The following KAT2A variants were observed in gnomAD, a reference collection of about 807,000 sequenced individuals.
The protein encoded by KAT2A is histone acetyltransferase KAT2A.
In KAT2A, 42 loss-of-function variants were observed where a neutral mutation model predicts 95.2. That is an observed-to-expected ratio of 0.44 (90% CI 0.34 to 0.57). The LOEUF (loss-of-function observed/expected upper bound fraction) is 0.57, where lower values mean the gene tolerates loss of function less well. Among genes scored for constraint, KAT2A ranks in the 20% least tolerant of loss-of-function variants. KAT2A has a pLI of 0.01. For missense variants in KAT2A, 784 were observed against 1,126.3 expected (o/e 0.70, Z 4.35); for synonymous variants, 449 against 448.2 (o/e 1.00, Z -0.02).
chr17:42,118,513 C>A (rs1177175182), intron 6 of KAT2A, 110 bp from the exon 7 acceptor site: 1 of 742,076 alleles, frequency 1.3e-6, no homozygotes, highest in Non-Finnish European at 2.4e-6. Flanking sequence ...TCTTAGGGAA[C>A]TGGGGACCTG....
rs940547142 is a variant in KAT2A at position 42,121,182 on chromosome 17, A to T, written c.123T>A (p.Thr41=). ...APSPASAPIP[T]PTPAPAPAPA... ...GGGCAGGGGCTGGTGCCGGGGTGGG[A>T]GTCGGAATCGGGGCTGAAGCCGGGC... Residue 41 remains threonine, a synonymous_variant, in exon 1 of 18, where the codon ACT becomes ACA. Coordinates refer to ENST00000225916, the MANE Select transcript of KAT2A (RefSeq NM_021078.3). 152 of 1,385,362 alleles carry T rather than the reference A, an allele frequency of 1.1e-4. No individual in the cohort carries two copies. Among genetic ancestry groups the T allele is most frequent in the Non-Finnish European group, 1.4e-4 (146 of 1,043,680 alleles). The allele number at this position is 1,385,362 out of a possible 1,614,324, so 85.8% of individuals were successfully genotyped here.
At chr17:42,118,075 A>C in intron 7 of KAT2A, 58 bp from the exon 8 acceptor site, 1 of 990,446 alleles carries the variant, frequency 1.0e-6, no homozygotes, top group Non-Finnish European at 1.4e-6. Flanking sequence ...AGAGAGAGAG[A>C]AGTCAGGGAC....
Position 42,115,008 on chromosome 17 carries a change from T to C in KAT2A, c.1903A>G (p.Lys635Glu). Residue 635 changes from lysine to glutamate, a missense_variant, in exon 13 of 18, where the codon AAG becomes GAG. Transcript: ENST00000225916. ...QGFSKDIKVP[K>E]SRYLGYIKDY... ...TTGATGTAGCCCAGGTAGCGGCTCTTGGGCACCTTGATGTCCTTGGAGAAA... is the reference window on the plus strand; with the variant it reads ...TTGATGTAGCCCAGGTAGCGGCTCTCGGGCACCTTGATGTCCTTGGAGAAA... 1.2e-6 allele frequency: 2 copies of C among 1,613,986 alleles called. No individual in the cohort carries two copies. Among genetic ancestry groups the C allele is most frequent in the Non-Finnish European group, 1.7e-6 (2 of 1,179,946 alleles).
intron 12 of KAT2A, 98 bp downstream of exon 12, chr17:42,115,625 G>C (rs1598229256): frequency 1.3e-6 from 1 of 778,762 alleles, no homozygotes; most frequent in East Asian, 2.5e-5. Context: ...GGTGAAGTAG[G>C]GGACGCAAAG....
Position 42,114,575 on chromosome 17 carries a change from C to G in KAT2A, c.2049G>C (p.Gln683His). The G allele has an allele frequency of 6.2e-7, 1 of 1,614,014 alleles. No homozygotes were observed. Among genetic ancestry groups the G allele is most frequent in the Non-Finnish European group, 8.5e-7 (1 of 1,179,982 alleles). The change falls in exon 14 of 18, where the codon CAG (glutamine) becomes CAC (histidine). Residue 683 changes from glutamine (Q) to histidine (H), a missense_variant. Coordinates refer to ENST00000225916, the MANE Select transcript of KAT2A (RefSeq NM_021078.3). This position sits in a 1 kb window ranked among gnomAD's most constrained non-coding sequence, Gnocchi z 6.0. Reference protein sequence around the residue: ...EIIKKLIERKQAQIRKVYPGL... With the variant: ...EIIKKLIERKHAQIRKVYPGL... ...CCGGGTAGACCTTGCGGATCTGGGC[C>G]TGTTTGCGCTCAATCAGCTTCTTGA...
Position 42,113,557 on chromosome 17 carries a change from G to A in KAT2A, c.*92C>T, listed in dbSNP as rs2054201406. The A allele has an allele frequency of 7.9e-7, 1 of 1,265,724 alleles. No homozygotes were observed. The highest frequency in any genetic ancestry group is 1.5e-5 in the African/African-American group (1 of 65,750). 78.4% of individuals were successfully genotyped at this position (1,265,724 alleles called of 1,614,324 possible). On this transcript the variant is annotated 3_prime_UTR_variant, in exon 18 of 18. Transcript: ENST00000225916. ...CCTTGGCTGGAGTGTCTCAAGCTGAGTCGGGTCCGTGGGGCCAGGGCACCC... is the reference window on the plus strand; with the variant it reads ...CCTTGGCTGGAGTGTCTCAAGCTGAATCGGGTCCGTGGGGCCAGGGCACCC...
rs782807550 is a variant in KAT2A, at chr17:42,113,795, G to A, written c.2368C>T (p.Arg790Trp). Reference protein sequence around the residue: ...ERLRSRYYVTRKLFVADLQRV... With the variant: ...ERLRSRYYVTWKLFVADLQRV... ...TGCAGGTCGGCCACAAAGAGCTTCC[G>A]GGTCACGTAGTAGCGGCTTCGCAGC... Residue 790 changes from arginine (R) to tryptophan (W), a missense_variant, in exon 18 of 18, where the codon CGG (arginine) becomes TGG (tryptophan). This residue lies in a region of KAT2A where 195 missense variants were observed against 247.1 expected (regional missense o/e 0.79). Transcript: ENST00000225916. The A allele has an allele frequency of 5.0e-6, 8 of 1,606,044 alleles. No individual in the cohort carries two copies. Among genetic ancestry groups the A allele is most frequent in the Non-Finnish European group, 6.8e-6 (8 of 1,177,444 alleles).
Position 42,114,994 on chromosome 17 carries a change from C to G in KAT2A, c.1917G>C (p.Leu639=), listed in dbSNP as rs145938810. The change falls in exon 13 of 18, where the codon CTG becomes CTC. Residue 639 remains leucine, a synonymous_variant. Transcript: ENST00000225916. The surrounding 1 kb of genome is among the most constrained non-coding windows in gnomAD (Gnocchi z 6.0). The part of the protein sequence containing the change: ...KDIKVPKSRY[L]GYIKDYEGAT... ...CTCCCTCGTAGTCCTTGATGTAGCC[C>G]AGGTAGCGGCTCTTGGGCACCTTGA... 1 of 1,614,008 alleles carries G rather than the reference C, an allele frequency of 6.2e-7. No individual in the cohort carries two copies. The highest frequency in any genetic ancestry group is 8.5e-7 in the Non-Finnish European group (1 of 1,179,964).
At position 42,121,175 on chromosome 17, in the gene KAT2A, G is replaced by T. The variant is rs1555667302; in HGVS notation, c.130C>A (p.Pro44Thr). 2.1e-6 allele frequency: 3 copies of T among 1,406,078 alleles called. No homozygotes were observed. The highest frequency in any genetic ancestry group is 2.9e-5 in the African/African-American group (2 of 69,070). 87.1% of individuals were successfully genotyped at this position (1,406,078 alleles called of 1,614,324 possible). ...PASAPIPTPTPAPAPAPAAAP... is the reference protein window; with the variant it reads ...PASAPIPTPTTAPAPAPAAAP... ...GCAGCTGGGGCAGGGGCTGGTGCCG[G>T]GGTGGGAGTCGGAATCGGGGCTGAA... Residue 44 changes from proline to threonine, a missense_variant, in exon 1 of 18, where the codon CCG becomes ACG. Pro to Thr is a conservative substitution (Grantham distance 38, BLOSUM62 -1). Transcript: ENST00000225916.
chr17:42,114,940 G>A lies in KAT2A; in HGVS notation c.1971C>T (p.Pro657=), dbSNP rs782725495. The A allele has an allele frequency of 3.1e-6, 5 of 1,613,882 alleles. No individual in the cohort carries two copies. The highest frequency in any genetic ancestry group is 1.3e-5 in the African/African-American group (1 of 74,838). The change falls in exon 13 of 18, where the codon CCC becomes CCT. Residue 657 remains proline, a synonymous_variant. Coordinates refer to ENST00000225916, the MANE Select transcript of KAT2A (RefSeq NM_021078.3). This position sits in a 1 kb window ranked among gnomAD's most constrained non-coding sequence, Gnocchi z 6.0. ...GATLMECELN[P]RIPYTELSHI... ...GGGACAGCTCCGTGTAGGGGATGCGGGGATTCAGCTCACACTCCATCAGCG... is the reference window on the plus strand; with the variant it reads ...GGGACAGCTCCGTGTAGGGGATGCGAGGATTCAGCTCACACTCCATCAGCG...
At chr17:42,118,176 G>A (rs2054289574) in intron 7 of KAT2A, 121 bp downstream of exon 7, 1 of 852,730 alleles carries the variant, frequency 1.2e-6, no homozygotes, top group Admixed American at 2.2e-5. Flanking sequence ...GGGGGCTGAA[G>A]CCGGTGGCAG....
chr17:42,120,141 CAT>C, intron 3 of KAT2A, 22 bp from the exon 4 acceptor site: 1 of 1,613,680 alleles, frequency 6.2e-7, no homozygotes, highest in Non-Finnish European at 8.5e-7. Context: ...AGGAAGGGGG[CAT>C]AGAGGGGAGG....
intron 17 of KAT2A, 65 bp downstream of exon 17, chr17:42,113,935 A>C (rs2054210230): frequency 4.7e-6 from 7 of 1,477,756 alleles, no homozygotes; most frequent in Non-Finnish European, 6.3e-6. Context: ...TGCAGGGCGC[A>C]GTGAGGGCAG....
In KAT2A at chr17:42,120,597, C is replaced by T. The variant is rs2054322322; in HGVS notation, c.463+109G>A. ...ACACCCCCCCCCAACCCAATCCCTC[C>T]TTCGAGGCATCTTTGATTTTTTCAG... is the stretch of plus-strand genomic sequence containing the variant. On this transcript the variant is annotated intron_variant, in intron 2 of 17. Coordinates refer to ENST00000225916, the MANE Select transcript of KAT2A (RefSeq NM_021078.3). The T allele has an allele frequency of 1.0e-5, 15 of 1,457,634 alleles. No homozygotes were observed. The Admixed American group carries it at 2.3e-4, about 22-fold the overall frequency. 90.3% of individuals were successfully genotyped at this position (1,457,634 alleles called of 1,614,324 possible).
chr17:42,120,570 G>A, intron 2 of KAT2A, 136 bp downstream of exon 2: 1 of 1,276,046 alleles, frequency 7.8e-7, no homozygotes, highest in Non-Finnish European at 1.1e-6. Context: ...CCCCCTTGGT[G>A]CACACCCCCC....
In KAT2A at chr17:42,114,256, A is replaced by C; in HGVS notation, c.2198T>G (p.Leu733Arg). Residue 733 changes from leucine (L) to arginine (R), a missense_variant, in exon 16 of 18, where the codon CTC (leucine) becomes CGC (arginine). By Grantham distance (102) the Leu-to-Arg change is moderately radical. Transcript: ENST00000225916. This position sits in a 1 kb window ranked among gnomAD's most constrained non-coding sequence, Gnocchi z 6.0. ...KGKELKDPDQ[L>R]YTTLKNLLAQ... The stretch of plus-strand genomic sequence containing the variant: ...CAGCAGGTTTTTGAGGGTTGTGTAG[A>C]GCTGGTCGGGGTCCTTCAGCTCCTT... 2 of 1,608,584 alleles carry C rather than the reference A, an allele frequency of 1.2e-6. No individual in the cohort carries two copies. The highest frequency in any genetic ancestry group is 1.7e-6 in the Non-Finnish European group (2 of 1,176,638).
Position 42,113,652 on chromosome 17 carries a change from C to T in KAT2A, c.2511G>A (p.Lys837=). Residue 837 remains lysine (K), a synonymous_variant, in exon 18 of 18, where the codon AAG becomes AAA. Transcript: ENST00000225916. The part of the protein sequence containing the change: ...FKLKEGGLID[K] The stretch of plus-strand genomic sequence containing the variant: ...GGGCTGCGGCCCAAAGATGGGCCTA[C>T]TTGTCAATGAGGCCTCCCTCCTTGA... 1 of 1,607,436 alleles carries T rather than the reference C, an allele frequency of 6.2e-7. No individual in the cohort carries two copies. The highest frequency in any genetic ancestry group is 8.5e-7 in the Non-Finnish European group (1 of 1,178,118).
intron 11 of KAT2A, 25 bp from the exon 12 acceptor site, chr17:42,115,858 A>C (rs868979775): frequency 2.2e-6 from 3 of 1,367,686 alleles, no homozygotes; most frequent in Middle Eastern, 3.6e-4. Context: ...AGCAGGACTC[A>C]CCAGGAGCTG....
chr17:42,116,344 C>T (rs1473574676), intron 11 of KAT2A, among the ~76,000 whole-genome samples: 3 of 152,240 alleles, frequency 2.0e-5, no homozygotes, highest in African/African-American at 7.2e-5. Context: ...GTATGCGACA[C>T]ACAGAGCCAG....
Sources: gnomAD v4.1 joint callset for allele counts (sites outside exome capture counted in the v4.1 genomes callset) on GRCh38, gnomAD v4.1.1 for gene constraint, gnomAD v4.1.1 regional missense constraint, Gnocchi (gnomAD v3.1) non-coding constraint, MANE v1.5 for transcripts, NCBI Gene and HGNC (gene_info 2026-07-23, HGNC 2026-07-21) for gene names.